The following KCNJ3 variants were observed in gnomAD, a reference collection of about 807,000 sequenced individuals.
The protein encoded by KCNJ3 is G protein-activated inward rectifier potassium channel 1.
In KCNJ3, 4 loss-of-function variants were observed where a neutral mutation model predicts 39.2. That is an observed-to-expected ratio of 0.10 (90% CI 0.05 to 0.23). The LOEUF (loss-of-function observed/expected upper bound fraction) is 0.23. Among genes scored for constraint, KCNJ3 ranks in the 10% least tolerant of loss-of-function variants. KCNJ3 has a pLI of 1.00. For missense variants in KCNJ3, 276 were observed against 634.9 expected, an observed-to-expected ratio of 0.43 and a Z score of 6.08; for synonymous variants, 230 against 237.4, an observed-to-expected ratio of 0.97 and a Z score of 0.29.
intron 2 of KCNJ3, among the ~76,000 whole-genome samples, chr2:154,730,273 T>A (rs926791206): frequency 2.0e-5 from 3 of 152,042 alleles, no homozygotes; most frequent in African/African-American, 4.8e-5. Flanking sequence ...GTTAAAAAAT[T>A]GAGTAGTTTT....
At chr2:154,838,115 T>C (rs569548601) in intron 2 of KCNJ3, among the ~76,000 whole-genome samples, 2 of 152,258 alleles carry the variant, frequency 1.3e-5, no homozygotes, top group South Asian at 2.1e-4. Flanking sequence ...TGTGACAATA[T>C]GACACATTCA....
chr2:154,709,710 T>C lies in KCNJ3; in HGVS notation c.810T>C (p.Ile270=). 1 of 1,613,988 alleles carries C rather than the reference T, an allele frequency of 6.2e-7. No homozygotes were observed. Among genetic ancestry groups the C allele is most frequent in the Non-Finnish European group, 8.5e-7 (1 of 1,179,926 alleles). ...DQLFLVSPLT[I]CHVIDAKSPF... Reference sequence around the variant, plus strand: ...TTTTTCTTGTGTCCCCCCTCACAATTTGCCACGTGATCGATGCCAAAAGCC... The same window carrying C: ...TTTTTCTTGTGTCCCCCCTCACAATCTGCCACGTGATCGATGCCAAAAGCC... Residue 270 remains isoleucine (I), a synonymous_variant, in exon 2 of 3, where the codon ATT becomes ATC. Coordinates refer to ENST00000295101, the MANE Select transcript of KCNJ3 (RefSeq NM_002239.4).
At chr2:154,788,783 T>TAA (rs1005172234) in intron 2 of KCNJ3, among the ~76,000 whole-genome samples, 2 of 151,320 alleles carry the variant, frequency 1.3e-5, no homozygotes, top group African/African-American at 4.9e-5. Context: ...TTTTTTTTTT[T>TAA]AAAAAGAAAC....
At chr2:154,851,659 T>C (rs755908509) in intron 2 of KCNJ3, among the ~76,000 whole-genome samples, 6 of 152,188 alleles carry the variant, frequency 3.9e-5, no homozygotes, top group Admixed American at 6.5e-5. Flanking sequence ...GCTGTGAAAA[T>C]AAGTAAAGTT....
intron 2 of KCNJ3, among the ~76,000 whole-genome samples, chr2:154,785,124 A>G (rs1038901009): frequency 3.9e-5 from 6 of 152,204 alleles, no homozygotes; most frequent in African/African-American, 1.4e-4. Context: ...CTGTTCTCTC[A>G]TAGAGAATAT....
chr2:154,836,250 A>C (rs1042579424), intron 2 of KCNJ3, among the ~76,000 whole-genome samples: 6 of 151,408 alleles, frequency 4.0e-5, no homozygotes, highest in African/African-American at 1.5e-4. Flanking sequence ...ACAAAAAAAA[A>C]CAACTAGGAG....
At chr2:154,743,872 A>G (rs1286535482) in intron 2 of KCNJ3, among the ~76,000 whole-genome samples, 2 of 151,414 alleles carry the variant, frequency 1.3e-5, no homozygotes, top group Admixed American at 1.3e-4. Flanking sequence ...TTCCAGCACT[A>G]TGTTGAGTAA....
At chr2:154,850,018 T>G (rs1353485783) in intron 2 of KCNJ3, among the ~76,000 whole-genome samples, 1 of 65,688 alleles carries the variant, frequency 1.5e-5, no homozygotes, top group Admixed American at 1.8e-4. Context: ...CTTTTTTTTT[T>G]TTTTTTTTTT....
At position 154,738,976 on chromosome 2, in the gene KCNJ3, TCTTA is replaced by T. The variant is rs1156391746; in HGVS notation, c.919+29161_919+29164del. ...AGTATCTTAGAAACCCACCCAAAGTTCTTACTTTGAATTACTTCATTATTGTTAA... is the reference window on the plus strand; with the variant it reads ...AGTATCTTAGAAACCCACCCAAAGTTCTTTGAATTACTTCATTATTGTTAA... On this transcript the variant is annotated intron_variant, in intron 2 of 2. Coordinates refer to ENST00000295101, the MANE Select transcript of KCNJ3 (RefSeq NM_002239.4). Among the ~76,000 whole-genome samples the T allele has an allele frequency of 2.0e-5, 3 of 152,068 alleles. No homozygotes were observed. The East Asian group carries it at 5.8e-4, about 29-fold the overall frequency.
intron 2 of KCNJ3, among the ~76,000 whole-genome samples, chr2:154,804,819 G>A (rs1177552467): frequency 6.6e-6 from 1 of 152,128 alleles, no homozygotes; most frequent in African/African-American, 2.4e-5. Flanking sequence ...ATTTTCCTCT[G>A]ACATGCTCCT....
intron 2 of KCNJ3, among the ~76,000 whole-genome samples, chr2:154,775,090 T>C (rs899699660): frequency 3.9e-5 from 6 of 152,128 alleles, no homozygotes; most frequent in African/African-American, 1.4e-4. Flanking sequence ...CTAATTTTTG[T>C]ACTTTTTGTA....
chr2:154,787,476 AATC>A (rs1350046665), intron 2 of KCNJ3, among the ~76,000 whole-genome samples: 2 of 152,164 alleles, frequency 1.3e-5, no homozygotes, highest in Non-Finnish European at 1.5e-5. Context: ...CCACTACAGC[AATC>A]ATCAAGTGCC....
chr2:154,711,058 A>C (rs557349531), intron 2 of KCNJ3, among the ~76,000 whole-genome samples: 1 of 152,114 alleles, frequency 6.6e-6, no homozygotes, highest in East Asian at 1.9e-4. Context: ...CACTATTATT[A>C]TTACGATTTT....
At chr2:154,840,072 C>T (rs1687548905) in intron 2 of KCNJ3, among the ~76,000 whole-genome samples, 1 of 152,090 alleles carries the variant, frequency 6.6e-6, no homozygotes, top group Admixed American at 6.6e-5. Flanking sequence ...GGTTTTAGGT[C>T]TAACATTTAA....
intron 2 of KCNJ3, among the ~76,000 whole-genome samples, chr2:154,710,489 CAGTTA>C (rs1558852832): frequency 6.6e-6 from 1 of 152,060 alleles, no homozygotes; most frequent in Non-Finnish European, 1.5e-5. Context: ...TTTCTGAGGA[CAGTTA>C]AGTTGACAAA....
At chr2:154,824,611 T>C (rs191251553) in intron 2 of KCNJ3, among the ~76,000 whole-genome samples, 1 of 152,278 alleles carries the variant, frequency 6.6e-6, no homozygotes, top group East Asian at 1.9e-4. Flanking sequence ...TATAAAAAAC[T>C]TAAGATATAC....
intron 2 of KCNJ3, among the ~76,000 whole-genome samples, chr2:154,753,152 A>G (rs1271538281): frequency 6.6e-6 from 1 of 152,076 alleles, no homozygotes; most frequent in Admixed American, 6.5e-5. Flanking sequence ...CAGTGATTAA[A>G]ATATTTCATT....
At chr2:154,811,160 A>T (rs1687002239) in intron 2 of KCNJ3, among the ~76,000 whole-genome samples, 1 of 152,128 alleles carries the variant, frequency 6.6e-6, no homozygotes, top group Non-Finnish European at 1.5e-5. Flanking sequence ...AAACTTACGC[A>T]GTTATGCAGT....
intron 2 of KCNJ3, among the ~76,000 whole-genome samples, chr2:154,830,198 A>C (rs1301146385): frequency 6.6e-6 from 1 of 152,166 alleles, no homozygotes; most frequent in Non-Finnish European, 1.5e-5. Context: ...ATGTTTCCTC[A>C]GGCTTCTCCA....
Sources: gnomAD v4.1 joint callset for allele counts (sites outside exome capture counted in the v4.1 genomes callset) on GRCh38, gnomAD v4.1.1 for gene constraint, MANE v1.5 for transcripts, NCBI Gene and HGNC (gene_info 2026-07-23, HGNC 2026-07-21) for gene names.